SYNE2: variants seen among roughly 807,000 people sequenced by gnomAD.
SYNE2 encodes the protein nesprin-2.
Under a neutral mutation model 856.3 loss-of-function variants are expected in SYNE2, and 431 were observed. The ratio of observed to expected loss-of-function variants is 0.50; its 90% CI spans 0.47 to 0.55. The LOEUF (loss-of-function observed/expected upper bound fraction) is 0.55, where lower values mean the gene tolerates loss of function less well. Among genes scored for constraint, SYNE2 ranks in the 20% least tolerant of loss-of-function variants. The pLI, the probability that SYNE2 is intolerant of heterozygous loss-of-function variation, is 0.00. For missense variants in SYNE2, 8,129 were observed against 8,023.2 expected (o/e 1.01, Z -0.50); for synonymous variants, 2,923 against 2,872.3 (o/e 1.02, Z -0.56).
chr14:64,107,732 A>G (rs1567321808), intron 65 of SYNE2, 125 bp downstream of exon 65: 1 of 821,958 alleles, frequency 1.2e-6, no homozygotes. Flanking sequence ...ACTTTAACAT[A>G]TGAAGATATG....
intron 1 of SYNE2, among the ~76,000 whole-genome samples, chr14:63,812,901 A>T (rs562498040): frequency 2.4e-4 from 36 of 152,288 alleles, no homozygotes; most frequent in East Asian, 1.5e-3. Context: ...TGTAAATTTT[A>T]AAAAAATTAA....
chr14:63,900,267 G>C (rs139363504), intron 1 of SYNE2, among the ~76,000 whole-genome samples: 13 of 152,298 alleles, frequency 8.5e-5, no homozygotes, highest in South Asian at 2.1e-4. Flanking sequence ...GTAATGCATA[G>C]ATAGGTGTAT....
At chr14:64,070,947 G>T in intron 52 of SYNE2, 37 bp downstream of exon 52, 2 of 1,609,346 alleles carry the variant, frequency 1.2e-6, no homozygotes, top group South Asian at 2.2e-5. Context: ...ACGTGTGCTT[G>T]ACAATTATGG....
intron 1 of SYNE2, among the ~76,000 whole-genome samples, chr14:63,875,576 C>CA (rs937136275): frequency 6.6e-6 from 1 of 151,760 alleles, no homozygotes; most frequent in Non-Finnish European, 1.5e-5. Flanking sequence ...TTTGTGGAAA[C>CA]AGAGACCTTT....
intron 100 of SYNE2, among the ~76,000 whole-genome samples, chr14:64,207,464 T>C (rs920600011): frequency 3.3e-5 from 5 of 150,860 alleles, no homozygotes; most frequent in African/African-American, 1.2e-4. Flanking sequence ...GGGAGGCTGA[T>C]GTGGGAGGAT....
At chr14:64,217,803 AAGC>A (rs1378068520) in intron 108 of SYNE2, among the ~76,000 whole-genome samples, 1 of 152,222 alleles carries the variant, frequency 6.6e-6, no homozygotes, top group East Asian at 1.9e-4. Flanking sequence ...AAGACAAAGA[AAGC>A]AGGGCTTTTC....
intron 106 of SYNE2, 49 bp from the exon 107 acceptor site, chr14:64,215,235 CAT>C: frequency 6.8e-7 from 1 of 1,473,724 alleles, no homozygotes; most frequent in Non-Finnish European, 9.5e-7. Flanking sequence ...AATACTTGGG[CAT>C]TAATCTTCAG....
At chr14:64,097,928 G>A in intron 61 of SYNE2, 21 bp from the exon 62 acceptor site, 1 of 1,613,968 alleles carries the variant, frequency 6.2e-7, no homozygotes, top group Admixed American at 1.7e-5. Flanking sequence ...TCAAACCTAT[G>A]CAAACACTCT....
intron 96 of SYNE2, among the ~76,000 whole-genome samples, 197 bp downstream of exon 96, chr14:64,177,680 C>T (rs534336952): frequency 2.0e-5 from 3 of 152,254 alleles, no homozygotes; most frequent in South Asian, 4.1e-4. Flanking sequence ...TGTTTGAAGA[C>T]GAGAAAGACT....
At position 64,159,064 on chromosome 14, in the gene SYNE2, G is replaced by T. The variant is rs774836345; in HGVS notation, c.15964-248G>T. ...ATATTATTTCACAATTTAAGGTTTT[G>T]GTTTTTGAGTGGCCTTTTTTTTTTC... On this transcript the variant is annotated intron_variant, in intron 86 of 115. Coordinates refer to ENST00000555002, the MANE Select transcript of SYNE2 (RefSeq NM_182914.3). Among the ~76,000 whole-genome samples, 5 of 151,502 alleles carry T rather than the reference G, an allele frequency of 3.3e-5. No homozygotes were observed. In the East Asian group the frequency reaches 7.7e-4, roughly 23 times the overall value.
Position 64,002,871 on chromosome 14 carries a change from A to G in SYNE2, c.3938A>G (p.His1313Arg), listed in dbSNP as rs772268499. 1 of 1,614,242 alleles carries G rather than the reference A, an allele frequency of 6.2e-7. No individual in the cohort carries two copies. Among genetic ancestry groups the G allele is most frequent in the Non-Finnish European group, 8.5e-7 (1 of 1,180,040 alleles). The change falls in exon 30 of 116, where the codon CAC (histidine) becomes CGC (arginine). Residue 1313 changes from histidine (H) to arginine (R), a missense_variant. Physicochemically the swap from His to Arg is conservative, Grantham distance 29 (BLOSUM62 0). This residue lies in a region of SYNE2 where 2,422 missense variants were observed against 2,357.4 expected (regional missense o/e 1.03). Transcript: ENST00000555002. ...AAAACACAATTTGAAGGAATGAACC[A>G]CAGGGTGCAGAGGAGTGAAGATACT... Reference protein sequence around the residue: ...KYKTQFEGMNHRVQRSEDTLK... With the variant: ...KYKTQFEGMNRRVQRSEDTLK...
chr14:63,939,225 G>A (rs919354961), intron 2 of SYNE2, among the ~76,000 whole-genome samples: 2 of 152,150 alleles, frequency 1.3e-5, no homozygotes, highest in Non-Finnish European at 2.9e-5. Context: ...TGAAAATCAG[G>A]GGGTAGAGGG....
At chr14:64,196,255 A>G (rs1418783262) in intron 99 of SYNE2, among the ~76,000 whole-genome samples, 1 of 152,216 alleles carries the variant, frequency 6.6e-6, no homozygotes, top group Non-Finnish European at 1.5e-5. Flanking sequence ...CTGAAAAATG[A>G]TATCAAGTCT....
intron 6 of SYNE2, among the ~76,000 whole-genome samples, chr14:63,942,821 G>T (rs2095944027): frequency 6.6e-6 from 1 of 151,912 alleles, no homozygotes; most frequent in South Asian, 2.1e-4. Context: ...TGTAGAGATG[G>T]GGTTTCATCA....
At chr14:63,832,952 G>GT (rs1889724083) in intron 1 of SYNE2, among the ~76,000 whole-genome samples, 2 of 151,360 alleles carry the variant, frequency 1.3e-5, no homozygotes, top group Non-Finnish European at 2.9e-5. Context: ...GGGAGGTCAA[G>GT]GCTGCAGTGA....
intron 10 of SYNE2, among the ~76,000 whole-genome samples, chr14:63,965,967 G>C (rs763376139): frequency 2.0e-5 from 3 of 152,104 alleles, no homozygotes; most frequent in Non-Finnish European, 4.4e-5. Context: ...TAGGAAGAAG[G>C]CTTTATGAAG....
At chr14:64,152,515 T>G in intron 84 of SYNE2, 49 bp from the exon 85 acceptor site, 1 of 1,597,506 alleles carries the variant, frequency 6.3e-7, no homozygotes, top group South Asian at 1.1e-5. Flanking sequence ...ACCTTATTAA[T>G]TGTTTTGTAA....
chr14:63,903,384 A>G (rs1402905460), intron 1 of SYNE2, among the ~76,000 whole-genome samples: 1 of 152,242 alleles, frequency 6.6e-6, no homozygotes, highest in Non-Finnish European at 1.5e-5. Flanking sequence ...ATAAATTTTC[A>G]TGGTTAAAAA....
intron 2 of SYNE2, among the ~76,000 whole-genome samples, chr14:63,910,242 CT>C (rs1405485057): frequency 1.3e-5 from 2 of 152,088 alleles, no homozygotes; most frequent in African/African-American, 4.8e-5. Context: ...GCCAAAATTA[CT>C]TTTTTTCTGA....
Sources: gnomAD v4.1 joint callset for allele counts (sites outside exome capture counted in the v4.1 genomes callset) on GRCh38, gnomAD v4.1.1 for gene constraint, gnomAD v4.1.1 regional missense constraint, MANE v1.5 for transcripts, NCBI Gene and HGNC (gene_info 2026-07-23, HGNC 2026-07-21) for gene names.